Variants in ADARB1 observed in about 807,000 individuals in gnomAD.
The protein encoded by ADARB1 is adenosine deaminase RNA specific B1.
In ADARB1, 10 loss-of-function variants were observed where a neutral mutation model predicts 52.4. The ratio of observed to expected loss-of-function variants is 0.19; its 90% CI spans 0.12 to 0.32. The LOEUF (loss-of-function observed/expected upper bound fraction) is 0.32, where lower values mean the gene tolerates loss of function less well. Ranked by LOEUF, ADARB1 falls within the 10% of genes least tolerant of loss-of-function variation. ADARB1 has a pLI of 1.00. For missense variants in ADARB1, 643 were observed against 922.3 expected, an observed-to-expected ratio of 0.70 and a Z score of 3.92; for synonymous variants, 349 against 371.1, an observed-to-expected ratio of 0.94 and a Z score of 0.68.
Position 45,224,386 on chromosome 21 carries a change from C to T in ADARB1, c.*2189C>T. ...ACCTTGAGACCATGTGAGGTGGCAC[C>T]TTTCCGGGGTGGACTCGTGCGGCCT... On this transcript the variant is annotated 3_prime_UTR_variant, in exon 11 of 11. Coordinates refer to ENST00000348831, the MANE Select transcript of ADARB1 (RefSeq NM_001112.4). 1 of 985,320 alleles carries T rather than the reference C, an allele frequency of 1.0e-6. No individual in the cohort carries two copies. Among genetic ancestry groups the T allele is most frequent in the Non-Finnish European group, 1.2e-6 (1 of 830,064 alleles). The allele number at this position is 985,320 out of a possible 1,614,324, so 61.0% of individuals were successfully genotyped here.
At chr21:45,106,463 A>C (rs2087262606) in intron 1 of ADARB1, among the ~76,000 whole-genome samples, 1 of 151,798 alleles carries the variant, frequency 6.6e-6, no homozygotes, top group Admixed American at 6.6e-5. Flanking sequence ...GGATGCCTGC[A>C]CTCCGTTTCT....
chr21:45,142,176 A>G lies in ADARB1; in HGVS notation c.-48+13603A>G, dbSNP rs1334509771. ...TGCTTGCTTTAAGCCACATTATGCT[A>G]CTGCAGCTAATTAAGGTCGCTCAAT... On this transcript the variant is annotated intron_variant, in intron 2 of 10. Transcript: ENST00000348831. The surrounding 1 kb of genome is among the most constrained non-coding windows in gnomAD (Gnocchi z 4.0). 6.6e-6 allele frequency among the ~76,000 whole-genome samples: 1 copy of G among 152,176 alleles called. No individual in the cohort carries two copies. The highest frequency in any genetic ancestry group is 1.9e-4 in the East Asian group (1 of 5,176).
intron 2 of ADARB1, among the ~76,000 whole-genome samples, chr21:45,130,748 G>A (rs8132746): frequency 0.012 from 1,900 of 152,264 alleles, 44 homozygotes; most frequent in African/African-American, 0.042. Context: ...GGGCTGTGGG[G>A]AGTTATTTTT....
At position 45,144,406 on chromosome 21, in the gene ADARB1, C is replaced by T. The variant is rs146821540; in HGVS notation, c.-48+15833C>T. 7.7e-3 allele frequency among the ~76,000 whole-genome samples: 1,173 copies of T among 152,280 alleles called. 6 individuals are homozygous for T. The highest frequency in any genetic ancestry group is 0.013 in the Non-Finnish European group (896 of 68,018). ...TTTGTGACATTCTCCTAGAATTAAACAGTTATTAACTTGCAAAGACATGGC... is the reference window on the plus strand; with the variant it reads ...TTTGTGACATTCTCCTAGAATTAAATAGTTATTAACTTGCAAAGACATGGC... On this transcript the variant is annotated intron_variant, in intron 2 of 10. Coordinates refer to ENST00000348831, the MANE Select transcript of ADARB1 (RefSeq NM_001112.4).
At chr21:45,110,449 C>T (rs553290807) in intron 1 of ADARB1, among the ~76,000 whole-genome samples, 14 of 152,204 alleles carry the variant, frequency 9.2e-5, no homozygotes, top group Non-Finnish European at 1.9e-4. Flanking sequence ...TGTCAAAGAG[C>T]CAGTGAGGCG....
At chr21:45,212,701 T>C (rs1196639606) in intron 9 of ADARB1, among the ~76,000 whole-genome samples, 1 of 152,022 alleles carries the variant, frequency 6.6e-6, no homozygotes, top group Non-Finnish European at 1.5e-5. Flanking sequence ...TTCTGCAGAA[T>C]TGAATGCACA....
intron 1 of ADARB1, among the ~76,000 whole-genome samples, chr21:45,100,217 CTA>C (rs943970558): frequency 6.6e-6 from 1 of 152,180 alleles, no homozygotes; most frequent in Admixed American, 6.5e-5. Flanking sequence ...CTCTTTGGAA[CTA>C]GGTTGAAATG....
At chr21:45,186,455 GCA>G (rs1219728172) in intron 8 of ADARB1, among the ~76,000 whole-genome samples, 8 of 152,194 alleles carry the variant, frequency 5.3e-5, no homozygotes, top group African/African-American at 1.2e-4. Flanking sequence ...CAGGAGTTAT[GCA>G]CATATATAAC....
chr21:45,139,632 G>A (rs1036007635), intron 2 of ADARB1, among the ~76,000 whole-genome samples: 8 of 152,148 alleles, frequency 5.3e-5, no homozygotes, highest in Admixed American at 2.0e-4. Context: ...CGGGCGCAGC[G>A]AGCGTGGTGA....
intron 2 of ADARB1, among the ~76,000 whole-genome samples, chr21:45,147,993 G>A (rs908141603): frequency 6.6e-5 from 10 of 151,938 alleles, no homozygotes; most frequent in African/African-American, 2.4e-4. Flanking sequence ...GCAGGGCCTT[G>A]CGGTACAGCC....
rs1007209176 is a variant in ADARB1 at position 45,191,637 on chromosome 21, T to C, written c.1565+6546T>C. Among the ~76,000 whole-genome samples the C allele has an allele frequency of 7.2e-5, 11 of 152,148 alleles. No individual in the cohort carries two copies. The East Asian group carries it at 7.7e-4, about 11-fold the overall frequency. ...ATAGTCACTCATTGTTTTAACATAC[T>C]GTTTGATTTGGATGACTAATATTTT... On this transcript the variant is annotated intron_variant, in intron 8 of 10. Transcript: ENST00000348831.
chr21:45,176,943 T>C lies in ADARB1; in HGVS notation c.963+279T>C, dbSNP rs1004310798. The C allele has an allele frequency of 1.9e-5, 6 of 314,480 alleles. No homozygotes were observed. Among genetic ancestry groups the C allele is most frequent in the Non-Finnish European group, 3.2e-5 (6 of 185,674 alleles). 19.5% of individuals were successfully genotyped at this position (314,480 alleles called of 1,614,324 possible). ...CAGTGTTTACAACACTATCCATAACTCCCTTCCCGTTAGGCAACCCCCCCC... is the reference window on the plus strand; with the variant it reads ...CAGTGTTTACAACACTATCCATAACCCCCTTCCCGTTAGGCAACCCCCCCC... On this transcript the variant is annotated intron_variant, in intron 4 of 10. Coordinates refer to ENST00000348831, the MANE Select transcript of ADARB1 (RefSeq NM_001112.4). This position sits in a 1 kb window ranked among gnomAD's most constrained non-coding sequence, Gnocchi z 5.8.
intron 1 of ADARB1, among the ~76,000 whole-genome samples, chr21:45,089,944 T>G (rs2086497753): frequency 6.6e-6 from 1 of 152,228 alleles, no homozygotes; most frequent in Non-Finnish European, 1.5e-5. Context: ...TCTGGTACTG[T>G]GCTGAGTGTA....
intron 1 of ADARB1, among the ~76,000 whole-genome samples, chr21:45,087,375 G>A (rs748246843): frequency 1.3e-5 from 2 of 152,214 alleles, no homozygotes; most frequent in Admixed American, 1.3e-4. Context: ...TCCAGGGCAC[G>A]TGGATGTGAA....
chr21:45,088,456 T>C (rs2123670166), intron 1 of ADARB1, among the ~76,000 whole-genome samples: 1 of 152,192 alleles, frequency 6.6e-6, no homozygotes, highest in East Asian at 1.9e-4. Context: ...TAAAACAAAG[T>C]CAGTATCACT....
intron 1 of ADARB1, among the ~76,000 whole-genome samples, chr21:45,098,518 C>G (rs2838780): frequency 0.028 from 4,194 of 152,280 alleles, 52 homozygotes; most frequent in South Asian, 0.055. Flanking sequence ...TGGAGGCATC[C>G]TCTAGGTTCT....
intron 1 of ADARB1, among the ~76,000 whole-genome samples, chr21:45,113,278 C>T (rs1171523429): frequency 2.6e-5 from 4 of 151,916 alleles, no homozygotes; most frequent in African/African-American, 7.3e-5. Context: ...CAAAAATTAG[C>T]CAGGCGTGGT....
chr21:45,116,004 A>G (rs1457371544), intron 1 of ADARB1, among the ~76,000 whole-genome samples: 1 of 152,246 alleles, frequency 6.6e-6, no homozygotes, highest in African/African-American at 2.4e-5. Flanking sequence ...TCCTCTTTCC[A>G]TAAGGAACTG....
At chr21:45,127,660 C>T (rs1343490546) in intron 1 of ADARB1, among the ~76,000 whole-genome samples, 1 of 152,092 alleles carries the variant, frequency 6.6e-6, no homozygotes, top group Non-Finnish European at 1.5e-5. Context: ...CGCACCTTAT[C>T]CCACACTTCA....
Sources: allele counts gnomAD v4.1 joint callset (sites outside exome capture counted in the v4.1 genomes callset), GRCh38; gene constraint gnomAD v4.1.1; non-coding constraint Gnocchi (gnomAD v3.1); transcripts MANE v1.5; gene names NCBI Gene and HGNC (gene_info 2026-07-23, HGNC 2026-07-21).